FER: variants seen among roughly 807,000 people sequenced by gnomAD.
The protein encoded by FER is tyrosine-protein kinase Fer.
In FER, 63 loss-of-function variants were observed where a neutral mutation model predicts 111.0. The ratio of observed to expected loss-of-function variants is 0.57; its 90% CI spans 0.46 to 0.70. FER has a LOEUF of 0.70. FER is among the 30% of genes least tolerant of loss of function. The probability of loss-of-function intolerance (pLI) is 0.00; values close to 1 mark genes in which losing one functional copy is unlikely to be tolerated. For missense variants in FER, 914 were observed against 954.0 expected, an observed-to-expected ratio of 0.96 and a Z score of 0.55; for synonymous variants, 327 against 313.9, an observed-to-expected ratio of 1.04 and a Z score of -0.44.
intron 13 of FER, among the ~76,000 whole-genome samples, chr5:109,024,037 T>C (rs1455808992): frequency 6.6e-6 from 1 of 152,082 alleles, no homozygotes; most frequent in African/African-American, 2.4e-5. Context: ...TTTTTATCTT[T>C]ATTTTGCAGA....
intron 8 of FER, among the ~76,000 whole-genome samples, chr5:108,875,490 T>C (rs904479436): frequency 2.0e-5 from 3 of 152,186 alleles, no homozygotes; most frequent in African/African-American, 7.2e-5. Flanking sequence ...AAATTATATA[T>C]GCAAATATTT....
At chr5:109,061,729 C>T (rs760446397) in intron 16 of FER, among the ~76,000 whole-genome samples, 1 of 152,014 alleles carries the variant, frequency 6.6e-6, no homozygotes, top group Non-Finnish European at 1.5e-5. Context: ...TCTTTTTTCT[C>T]TACTGGGAAT....
At chr5:109,167,474 A>C (rs1445610597) in intron 17 of FER, among the ~76,000 whole-genome samples, 1 of 152,150 alleles carries the variant, frequency 6.6e-6, no homozygotes, top group Non-Finnish European at 1.5e-5. Context: ...AGAAATGATC[A>C]TCTCTTTTCT....
intron 9 of FER, chr5:108,891,526 A>G (rs1246060072): frequency 6.6e-6 from 1 of 151,502 alleles, no homozygotes; most frequent in African/African-American, 2.4e-5. Context: ...CATTCTCACT[A>G]CTGCACTTGA....
Position 108,999,694 on chromosome 5 carries a change from T to C in FER, c.1657-37728T>C, listed in dbSNP as rs77498908. Among the ~76,000 whole-genome samples the C allele has an allele frequency of 1.8e-4, 22 of 122,284 alleles. 2 individuals carry two copies. In the East Asian group the frequency reaches 5.8e-3, roughly 32 times the overall value. 80.2% of individuals were successfully genotyped at this position (122,284 alleles called of 152,430 possible). On this transcript the variant is annotated intron_variant, in intron 13 of 19. Transcript: ENST00000281092. The stretch of plus-strand genomic sequence containing the variant: ...AAGAGTTTTCATTTATGTACACCTT[T>C]ACCATTCTTACTATTTTTTTTTTTT...
chr5:108,935,369 G>A (rs543195495), intron 10 of FER, among the ~76,000 whole-genome samples: 1 of 152,032 alleles, frequency 6.6e-6, no homozygotes, highest in Non-Finnish European at 1.5e-5. Context: ...ATCGCCTTCT[G>A]TGTTTCTTCC....
At chr5:109,187,177 A>G (rs1377919891) in intron 19 of FER, among the ~76,000 whole-genome samples, 1 of 152,208 alleles carries the variant, frequency 6.6e-6, no homozygotes, top group Non-Finnish European at 1.5e-5. Context: ...ATGCATTTGT[A>G]TTGTATCTTA....
chr5:108,923,880 T>A (rs1429325843), intron 10 of FER, among the ~76,000 whole-genome samples: 1 of 151,732 alleles, frequency 6.6e-6, no homozygotes, highest in African/African-American at 2.4e-5. Context: ...CAATAAAAAA[T>A]AAAAAAAATT....
At chr5:108,872,867 T>C (rs1764730224) in intron 8 of FER, among the ~76,000 whole-genome samples, 1 of 152,180 alleles carries the variant, frequency 6.6e-6, no homozygotes, top group South Asian at 2.1e-4. Flanking sequence ...AGGAAATATA[T>C]TTATTAACAA....
intron 16 of FER, among the ~76,000 whole-genome samples, chr5:109,061,396 T>G (rs1774395373): frequency 1.3e-5 from 2 of 152,232 alleles, no homozygotes; most frequent in African/African-American, 4.8e-5. Context: ...CACTTTAACA[T>G]TATGTCAGTT....
At chr5:109,067,604 A>G (rs551881754) in intron 16 of FER, among the ~76,000 whole-genome samples, 1 of 151,988 alleles carries the variant, frequency 6.6e-6, no homozygotes, top group East Asian at 1.9e-4. Flanking sequence ...CTATTCTTTT[A>G]GCTTGGTAGT....
chr5:109,071,808 CATTCTT>C (rs1775800323), intron 16 of FER, among the ~76,000 whole-genome samples: 1 of 151,916 alleles, frequency 6.6e-6, no homozygotes, highest in South Asian at 2.1e-4. Flanking sequence ...TTTTAACTAA[CATTCTT>C]ATTAAGCAAC....
intron 5 of FER, among the ~76,000 whole-genome samples, chr5:108,863,716 TAAAA>T (rs1763754911): frequency 6.6e-6 from 1 of 152,092 alleles, no homozygotes; most frequent in African/African-American, 2.4e-5. Context: ...TGATAAACAT[TAAAA>T]AAATTCAAAT....
chr5:108,829,388 A>G (rs1403899280), intron 3 of FER, among the ~76,000 whole-genome samples: 2 of 152,254 alleles, frequency 1.3e-5, no homozygotes. Context: ...CTGTAATCCC[A>G]GCACTTTGGG....
At position 108,908,296 on chromosome 5, in the gene FER, A is replaced by T. The variant is rs535359613; in HGVS notation, c.1236+10448A>T. Among the ~76,000 whole-genome samples the T allele has an allele frequency of 2.6e-4, 39 of 152,334 alleles. 1 individual carries two copies. The South Asian group carries it at 7.2e-3, about 28-fold the overall frequency. On this transcript the variant is annotated intron_variant, in intron 10 of 19. Coordinates refer to ENST00000281092, the MANE Select transcript of FER (RefSeq NM_005246.4). Reference sequence around the variant, plus strand: ...AATAACTGTTAAAAAATTTTTTAAAAACCTTTTTCCTTCCCTTACATTGCT... The same window carrying T: ...AATAACTGTTAAAAAATTTTTTAAATACCTTTTTCCTTCCCTTACATTGCT...
At chr5:108,890,505 G>A (rs895098000) in intron 9 of FER, among the ~76,000 whole-genome samples, 1 of 151,910 alleles carries the variant, frequency 6.6e-6, no homozygotes, top group African/African-American at 2.4e-5. Flanking sequence ...GACATTTCTT[G>A]GTTTGTAGAA....
chr5:108,791,124 G>A (rs1049806193), intron 2 of FER, among the ~76,000 whole-genome samples: 1 of 152,130 alleles, frequency 6.6e-6, no homozygotes, highest in Non-Finnish European at 1.5e-5. Flanking sequence ...GCAAGTTTTT[G>A]TATAGACATA....
At chr5:108,766,899 A>G (rs900018837) in intron 1 of FER, among the ~76,000 whole-genome samples, 1 of 152,222 alleles carries the variant, frequency 6.6e-6, no homozygotes, top group Non-Finnish European at 1.5e-5. Flanking sequence ...TATTGACCTC[A>G]GTGATAAAGG....
chr5:108,881,872 T>C (rs984988054), intron 8 of FER, among the ~76,000 whole-genome samples: 1 of 152,090 alleles, frequency 6.6e-6, no homozygotes, highest in African/African-American at 2.4e-5. Context: ...ACCATTATAT[T>C]GGGGGTTAGG....
Sources: gnomAD v4.1 joint callset for allele counts (sites outside exome capture counted in the v4.1 genomes callset) on GRCh38, gnomAD v4.1.1 for gene constraint, MANE v1.5 for transcripts, NCBI Gene and HGNC (gene_info 2026-07-23, HGNC 2026-07-21) for gene names.